CANT1: variants seen among roughly 807,000 people sequenced by gnomAD.
CANT1 encodes the protein soluble calcium-activated nucleotidase 1.
In CANT1, 26 loss-of-function variants were observed where a neutral mutation model predicts 30.0. The observed-to-expected ratio is 0.87, with a 90% CI of 0.64 to 1.20. The LOEUF (loss-of-function observed/expected upper bound fraction) is 1.20. Ranked by LOEUF, CANT1 falls within the 50% of genes most tolerant of loss-of-function variation. The pLI is 0.00. For synonymous variants in CANT1, 246 were observed against 251.8 expected (o/e 0.98, Z 0.22); for missense variants, 518 against 563.0 (o/e 0.92, Z 0.81).
intron 1 of CANT1, among the ~76,000 whole-genome samples, chr17:78,999,435 C>CGAAT (rs2071163111): frequency 6.6e-6 from 1 of 152,178 alleles, no homozygotes; most frequent in Non-Finnish European, 1.5e-5. Flanking sequence ...CAAGAAGTCT[C>CGAAT]CACTGAGCTC....
rs764942510 is a variant in CANT1 at position 78,997,386 on chromosome 17, G to T, written c.237C>A (p.Leu79=). 1 of 1,613,646 alleles carries T rather than the reference G, an allele frequency of 6.2e-7. No individual in the cohort carries two copies. The highest frequency in any genetic ancestry group is 1.3e-5 in the African/African-American group (1 of 75,012). Residue 79 remains leucine (L), a synonymous_variant, in exon 3 of 5, where the codon CTC becomes CTA. Coordinates refer to ENST00000392446, the MANE Select transcript of CANT1 (RefSeq NM_001159773.2). This position sits in a 1 kb window ranked among gnomAD's most constrained non-coding sequence, Gnocchi z 7.5. ...PPTHNAHNWR[L]GQAPANWYND... ...TGTACCAGTTGGCGGGCGCCTGGCC[G>T]AGCCTCCAGTTGTGTGCATTGTGGG...
Position 78,992,786 on chromosome 17 carries a change from G to A in CANT1, c.*764C>T. 1.9e-6 allele frequency: 1 copy of A among 534,148 alleles called. No individual in the cohort carries two copies. The highest frequency in any genetic ancestry group is 3.6e-5 in the East Asian group (1 of 28,000). The allele number at this position is 534,148 out of a possible 1,614,324, so 33.1% of individuals were successfully genotyped here. A position where few individuals can be genotyped will look rare whatever the true frequency, so the allele number is the denominator to read the frequency against. On this transcript the variant is annotated 3_prime_UTR_variant, in exon 5 of 5. Coordinates refer to ENST00000392446, the MANE Select transcript of CANT1 (RefSeq NM_001159773.2). The stretch of plus-strand genomic sequence containing the variant: ...GCTGGAGCGGGCTGGGTAACTACAG[G>A]ACTGTGCTCTGTGTGATAAGATTTG...
In CANT1 at chr17:78,997,435, C is replaced by T. The variant is rs531065063; in HGVS notation, c.188G>A (p.Arg63His). 22 of 1,564,482 alleles carry T rather than the reference C, an allele frequency of 1.4e-5. No homozygotes were observed. The African/African-American group carries it at 1.6e-4, about 12-fold the overall frequency. Residue 63 changes from arginine to histidine, a missense_variant, in exon 3 of 5, where the codon CGC becomes CAC. Physicochemically the swap from Arg to His is conservative, Grantham distance 29. Coordinates refer to ENST00000392446, the MANE Select transcript of CANT1 (RefSeq NM_001159773.2). The surrounding 1 kb of genome is among the most constrained non-coding windows in gnomAD (Gnocchi z 7.5). ...GGTGGGGGGCCTGCCGGGGGCCGGG[C>T]GGTGGGAGCAGAGCAGCCAGAGGAT... ...AAILWLLCSH[R>H]PAPGRPPTHN... is the part of the protein sequence containing the mutation.
At chr17:78,999,314 G>A (rs760106700) in intron 1 of CANT1, among the ~76,000 whole-genome samples, 36 of 152,106 alleles carry the variant, frequency 2.4e-4, no homozygotes, top group African/African-American at 7.0e-4. Context: ...GCTGATCACC[G>A]GGGCCTTCCC....
Position 78,997,896 on chromosome 17 carries a change from C to T in CANT1, c.-79G>A, listed in dbSNP as rs907268287. 2 of 397,806 alleles carry T rather than the reference C, an allele frequency of 5.0e-6. No homozygotes were observed. Among genetic ancestry groups the T allele is most frequent in the Non-Finnish European group, 4.5e-6 (1 of 222,670 alleles). 24.6% of individuals were successfully genotyped at this position (397,806 alleles called of 1,614,324 possible). ...AGCAAAATTACTCCATCTCCCCTGT[C>T]CCAGCTGGCAACGTGGGAAGCTGAG... On this transcript the variant is annotated 5_prime_UTR_variant, in exon 2 of 5. Transcript: ENST00000392446. The surrounding 1 kb of genome is among the most constrained non-coding windows in gnomAD (Gnocchi z 7.5).
chr17:78,994,029 C>T, intron 4 of CANT1, 109 bp from the exon 5 acceptor site: 3 of 1,402,826 alleles, frequency 2.1e-6, no homozygotes, highest in Non-Finnish European at 1.9e-6. Flanking sequence ...CACCAGGGCC[C>T]ACCAGCTCAC....
chr17:79,000,989 C>T (rs965599019), intron 1 of CANT1, among the ~76,000 whole-genome samples: 1 of 152,300 alleles, frequency 6.6e-6, no homozygotes, highest in Admixed American at 6.5e-5. Flanking sequence ...CCATTAGCCA[C>T]TTCTTCAACA....
intron 1 of CANT1, among the ~76,000 whole-genome samples, chr17:79,001,065 A>T (rs370038574): frequency 5.9e-5 from 9 of 152,096 alleles, no homozygotes; most frequent in African/African-American, 1.9e-4. Flanking sequence ...TGGATCAAGC[A>T]CCCCAAAGAT....
At chr17:79,006,580 G>A (rs1377218022) in intron 1 of CANT1, among the ~76,000 whole-genome samples, 1 of 152,316 alleles carries the variant, frequency 6.6e-6, no homozygotes, top group South Asian at 2.1e-4. Flanking sequence ...TGGGCGCACA[G>A]CTTCAGAACC....
chr17:79,005,951 T>C (rs768825613), intron 1 of CANT1: 12 of 152,218 alleles, frequency 7.9e-5, no homozygotes, highest in Non-Finnish European at 1.5e-4. Flanking sequence ...AGGCTAACTA[T>C]TGTACCTGCA....
rs1239524941 is a variant in CANT1 at position 78,995,287 on chromosome 17, A to G, written c.632-66T>C. 195 of 1,524,596 alleles carry G rather than the reference A, an allele frequency of 1.3e-4. No homozygotes were observed. The highest frequency in any genetic ancestry group is 1.7e-4 in the Non-Finnish European group (192 of 1,120,636). 94.4% of individuals were successfully genotyped at this position (1,524,596 alleles called of 1,614,324 possible). A position where few individuals can be genotyped will look rare whatever the true frequency, so the allele number is the denominator to read the frequency against. ...CGCCGCACCCCTGCACCTGGCTCCCACCCGGCCCCGCACCTGTCCTTAGAC... is the reference window on the plus strand; with the variant it reads ...CGCCGCACCCCTGCACCTGGCTCCCGCCCGGCCCCGCACCTGTCCTTAGAC... On this transcript the variant is annotated intron_variant, in intron 3 of 4. Transcript: ENST00000392446. This position sits in a 1 kb window ranked among gnomAD's most constrained non-coding sequence, Gnocchi z 5.7.
intron 1 of CANT1, among the ~76,000 whole-genome samples, chr17:79,005,151 T>C (rs1307087371): frequency 1.1e-4 from 5 of 47,512 alleles, no homozygotes; most frequent in South Asian, 8.7e-4. Flanking sequence ...GAGGGGGGAG[T>C]TAGGGAGAGG....
intron 1 of CANT1, among the ~76,000 whole-genome samples, chr17:79,009,093 G>T (rs1039995882): frequency 6.7e-6 from 1 of 150,288 alleles, no homozygotes; most frequent in African/African-American, 2.5e-5. Flanking sequence ...TAGCCAGAGC[G>T]GGGAGGCGTC....
chr17:78,998,474 A>G lies in CANT1; in HGVS notation c.-146-511T>C, dbSNP rs192133856. 4.5e-3 allele frequency among the ~76,000 whole-genome samples: 687 copies of G among 152,326 alleles called. 12 individuals carry two copies. The South Asian group carries it at 0.066, about 15-fold the overall frequency. On this transcript the variant is annotated intron_variant, in intron 1 of 4. Transcript: ENST00000392446. This position sits in a 1 kb window ranked among gnomAD's most constrained non-coding sequence, Gnocchi z 4.5. The stretch of plus-strand genomic sequence containing the variant: ...CGTGTCTGTGCCTTGGCGCCAAAGA[A>G]CTGCTCGGCTCACTGCGGGGCCTGG...
In CANT1 at chr17:79,002,681, C is replaced by T. The variant is rs1307952644; in HGVS notation, c.-146-4718G>A. Among the ~76,000 whole-genome samples, 1 of 152,198 alleles carries T rather than the reference C, an allele frequency of 6.6e-6. No individual in the cohort carries two copies. On this transcript the variant is annotated intron_variant, in intron 1 of 4. Transcript: ENST00000392446. The surrounding 1 kb of genome is among the most constrained non-coding windows in gnomAD (Gnocchi z 4.0). ...CTGAAAATACTGACTCCCTGTCCCT[C>T]GACAGATCCCTGGTCAAGACCATCT...
At position 78,992,732 on chromosome 17, in the gene CANT1, G is replaced by T. The variant is rs376745661; in HGVS notation, c.*818C>A. On this transcript the variant is annotated 3_prime_UTR_variant, in exon 5 of 5. Transcript: ENST00000392446. ...ACATGTGAGACTTGCTTCACCAGCC[G>T]CCACCGCTTCCTTACAATCTCCCGC... The T allele has an allele frequency of 3.4e-6, 2 of 596,016 alleles. No individual in the cohort carries two copies. The highest frequency in any genetic ancestry group is 6.5e-6 in the Non-Finnish European group (2 of 307,950). 36.9% of individuals were successfully genotyped at this position (596,016 alleles called of 1,614,324 possible). A position where few individuals can be genotyped will look rare whatever the true frequency, so the allele number is the denominator to read the frequency against.
chr17:79,009,265 C>T lies in CANT1; in HGVS notation c.-147+399G>A, dbSNP rs190074231. ...CTAATTAGAAGGGGGGTGTCCCACA[C>T]TAATCAGAGCGGGGAGGAGTCACAT... is the stretch of plus-strand genomic sequence containing the variant. On this transcript the variant is annotated intron_variant, in intron 1 of 4. Coordinates refer to ENST00000392446, the MANE Select transcript of CANT1 (RefSeq NM_001159773.2). Among the ~76,000 whole-genome samples, 39 of 147,000 alleles carry T rather than the reference C, an allele frequency of 2.7e-4. No individual in the cohort carries two copies. The East Asian group carries it at 6.8e-3, about 26-fold the overall frequency.
At chr17:78,994,980 T>A (rs1187197492) in intron 4 of CANT1, 38 bp downstream of exon 4, 1 of 1,541,678 alleles carries the variant, frequency 6.5e-7, no homozygotes, top group Non-Finnish European at 8.7e-7. Flanking sequence ...GACTGGGCTG[T>A]GGAAGCCACA....
rs1007854466 is a variant in CANT1 at position 79,009,653 on chromosome 17, C to T, written c.-147+11G>A. 2.9e-4 allele frequency: 44 copies of T among 152,334 alleles called. No individual in the cohort carries two copies. The highest frequency in any genetic ancestry group is 1.0e-3 in the African/African-American group (42 of 41,472). 9.4% of individuals were successfully genotyped at this position (152,334 alleles called of 1,614,324 possible). A position where few individuals can be genotyped will look rare whatever the true frequency, so the allele number is the denominator to read the frequency against. On this transcript the variant is annotated intron_variant, in intron 1 of 4. Transcript: ENST00000392446. Reference sequence around the variant, plus strand: ...GGCAGGGCGCCGGCGGCCGCGGGCGCAGTCACTCACCCGCTGCGGGGCTGG... The same window carrying T: ...GGCAGGGCGCCGGCGGCCGCGGGCGTAGTCACTCACCCGCTGCGGGGCTGG...
Sources: gnomAD v4.1 joint callset for allele counts (sites outside exome capture counted in the v4.1 genomes callset) on GRCh38, gnomAD v4.1.1 for gene constraint, Gnocchi (gnomAD v3.1) non-coding constraint, MANE v1.5 for transcripts, NCBI Gene and HGNC (gene_info 2026-07-23, HGNC 2026-07-21) for gene names.